PLXNA2: variants seen among roughly 807,000 people sequenced by gnomAD.
PLXNA2 encodes plexin A2.
PLXNA2 carries 91 observed loss-of-function variants against 193.5 expected under a neutral mutation model. That is an observed-to-expected ratio of 0.47 (90% confidence interval 0.40 to 0.56). The LOEUF (loss-of-function observed/expected upper bound fraction) is 0.56. PLXNA2 is among the 20% of genes least tolerant of loss of function. PLXNA2 has a pLI of 0.00. For missense variants in PLXNA2, 1,995 were observed against 2,503.2 expected (o/e 0.80, Z 4.33); for synonymous variants, 997 against 1,027.3 (o/e 0.97, Z 0.56).
intron 3 of PLXNA2, among the ~76,000 whole-genome samples, chr1:208,156,801 G>T (rs902567715): frequency 2.0e-5 from 3 of 152,146 alleles, no homozygotes; most frequent in African/African-American, 7.2e-5. Context: ...GCATGACAGG[G>T]TGCTTAAAAA....
Position 208,042,202 on chromosome 1 carries a change from C to T in PLXNA2, c.4182G>A (p.Leu1394=), listed in dbSNP as rs370028736. 48 of 1,614,118 alleles carry T rather than the reference C, an allele frequency of 3.0e-5. No homozygotes were observed. Among genetic ancestry groups the T allele is most frequent in the Non-Finnish European group, 3.5e-5 (41 of 1,180,036 alleles). Residue 1394 remains leucine (L), a synonymous_variant, in exon 22 of 32, where the codon CTG becomes CTA. Coordinates refer to ENST00000367033, the MANE Select transcript of PLXNA2 (RefSeq NM_025179.4). ...CAGTGGCATATTCCAGGCGGCCCTG[C>T]AGGCCGGTCATGATGAGCGAAGCCA... is the stretch of plus-strand genomic sequence containing the variant. The part of the protein sequence containing the change: ...GNVASLIMTG[L]QGRLEYATDV...
In PLXNA2 at chr1:208,051,119, G is replaced by T; in HGVS notation, c.3162-17C>A. 1.2e-6 allele frequency: 2 copies of T among 1,608,826 alleles called. No individual in the cohort carries two copies. The highest frequency in any genetic ancestry group is 1.7e-6 in the Non-Finnish European group (2 of 1,175,276). On this transcript the variant is annotated splice_polypyrimidine_tract_variant and intron_variant, in intron 16 of 31. Transcript: ENST00000367033. ...GTGTGGCCACTGAAAACAGGCAGAG[G>T]CTCGGTTAGGTAAAAAACCCCCTCA...
At chr1:208,145,040 G>C (rs1668564264) in intron 3 of PLXNA2, among the ~76,000 whole-genome samples, 1 of 152,164 alleles carries the variant, frequency 6.6e-6, no homozygotes, top group Non-Finnish European at 1.5e-5. Context: ...TTCTCCCTTA[G>C]ATAGACAGAC....
intron 6 of PLXNA2, among the ~76,000 whole-genome samples, chr1:208,097,483 A>C (rs528221958): frequency 6.6e-6 from 1 of 152,294 alleles, no homozygotes; most frequent in South Asian, 2.1e-4. Context: ...CAGTAGGTTC[A>C]TAAGGAGCTC....
At chr1:208,229,441 G>A (rs949954436) in intron 1 of PLXNA2, among the ~76,000 whole-genome samples, 1 of 152,150 alleles carries the variant, frequency 6.6e-6, no homozygotes, top group African/African-American at 2.4e-5. Context: ...GCAGCGCGAG[G>A]GGGTGCCCAG....
At chr1:208,168,724 G>GGTTTT (rs1491302678) in intron 3 of PLXNA2, among the ~76,000 whole-genome samples, 1 of 73,156 alleles carries the variant, frequency 1.4e-5, no homozygotes, top group East Asian at 4.8e-4. Context: ...AGTATGCGGG[G>GGTTTT]TTTTTTTTTT....
In PLXNA2 at chr1:208,092,946, G is replaced by C. The variant is rs759488085; in HGVS notation, c.1983-46C>G. On this transcript the variant is annotated intron_variant, in intron 8 of 31. Transcript: ENST00000367033. ...AGAGGCAAAGAGAAGAGAACAAAGA[G>C]GGAAGGTGGCATGTGTCATGATAGA... The C allele has an allele frequency of 3.7e-6, 5 of 1,333,570 alleles. No individual in the cohort carries two copies. In the South Asian group the frequency reaches 5.9e-5, roughly 16 times the overall value. The allele number at this position is 1,333,570 out of a possible 1,614,324, so 82.6% of individuals were successfully genotyped here. A position where few individuals can be genotyped will look rare whatever the true frequency, so the allele number is the denominator to read the frequency against.
chr1:208,178,140 GA>G (rs952930314), intron 3 of PLXNA2, among the ~76,000 whole-genome samples: 14 of 151,092 alleles, frequency 9.3e-5, no homozygotes, highest in Admixed American at 6.6e-5. Context: ...ACCGAGAGGA[GA>G]AAAAAAAAGA....
chr1:208,053,887 C>T (rs1985237), intron 14 of PLXNA2, among the ~76,000 whole-genome samples: 35,629 of 152,144 alleles, frequency 0.23, 4,372 homozygotes, highest in East Asian at 0.39. Context: ...GTGCGTGTAA[C>T]CACAGTAGCG....
At position 208,217,254 on chromosome 1, in the gene PLXNA2, G is replaced by C. The variant is rs1236623392; in HGVS notation, c.669C>G (p.Ser223=). 2 of 1,614,072 alleles carry C rather than the reference G, an allele frequency of 1.2e-6. No homozygotes were observed. The highest frequency in any genetic ancestry group is 1.3e-5 in the African/African-American group (1 of 74,922). The change falls in exon 2 of 32, where the codon TCC becomes TCG. Residue 223 remains serine, a synonymous_variant. Coordinates refer to ENST00000367033, the MANE Select transcript of PLXNA2 (RefSeq NM_025179.4). This position sits in a 1 kb window ranked among gnomAD's most constrained non-coding sequence, Gnocchi z 4.7. ...TGTCTGAAGGGATCTTGATGAGAGA[G>C]GAGACAAAATCGCTGTGTAGCTCAT... ...LDYELHSDFV[S]SLIKIPSDTL...
At chr1:208,195,659 G>C (rs1251291532) in intron 3 of PLXNA2, among the ~76,000 whole-genome samples, 1 of 151,696 alleles carries the variant, frequency 6.6e-6, no homozygotes, top group African/African-American at 2.4e-5. Flanking sequence ...TTTGGGGGGG[G>C]GGGTTAGGGG....
chr1:208,112,741 C>T (rs1280480294), intron 4 of PLXNA2, among the ~76,000 whole-genome samples: 4 of 152,032 alleles, frequency 2.6e-5, no homozygotes, highest in Admixed American at 6.6e-5. Flanking sequence ...CTGTAACTGC[C>T]GTCTTTATTA....
At position 208,033,464 on chromosome 1, in the gene PLXNA2, CG is replaced by C; in HGVS notation, c.4909del (p.Arg1637GlyfsTer4). 1 of 1,613,154 alleles carries C rather than the reference CG, an allele frequency of 6.2e-7. No homozygotes were observed. Among genetic ancestry groups the C allele is most frequent in the Non-Finnish European group, 8.5e-7 (1 of 1,179,392 alleles). ...YTGSPDSLRSRAPMITPDLES... is the reference protein window; with the variant it reads ...YTGSPDSLRSXAPMITPDLES... ...CAGGTCTGGGGTGATCATCGGGGCC[CG>C]GGACCGCAGGCTGTCGGGGCTGCCC... On this transcript the variant is annotated frameshift_variant, in exon 28 of 32. Coordinates refer to ENST00000367033, the MANE Select transcript of PLXNA2 (RefSeq NM_025179.4). LOFTEE classifies it high-confidence loss of function.
chr1:208,037,736 T>C (rs1202644537), intron 26 of PLXNA2, among the ~76,000 whole-genome samples: 1 of 149,504 alleles, frequency 6.7e-6, no homozygotes, highest in Non-Finnish European at 1.5e-5. Flanking sequence ...GATTTTTCTT[T>C]TTTTTTTTTG....
At chr1:208,097,609 T>C (rs1422485910) in intron 6 of PLXNA2, among the ~76,000 whole-genome samples, 1 of 152,130 alleles carries the variant, frequency 6.6e-6, no homozygotes, top group Non-Finnish European at 1.5e-5. Flanking sequence ...CTTTTAACAG[T>C]AAAAATATCA....
intron 12 of PLXNA2, among the ~76,000 whole-genome samples, chr1:208,063,963 G>A (rs191539585): frequency 3.8e-4 from 58 of 151,950 alleles, no homozygotes; most frequent in Admixed American, 9.2e-4. Context: ...TCCCTCAGGC[G>A]CCTCACATTT....
chr1:208,055,489 C>T (rs549841769), intron 13 of PLXNA2, among the ~76,000 whole-genome samples: 55 of 152,102 alleles, frequency 3.6e-4, no homozygotes, highest in Middle Eastern at 3.4e-3. Context: ...TGGGAGAGGG[C>T]CCTGACAGCT....
intron 31 of PLXNA2, 83 bp from the exon 32 acceptor site, chr1:208,027,421 T>A: frequency 9.4e-7 from 1 of 1,063,710 alleles, no homozygotes; most frequent in Non-Finnish European, 1.4e-6. Context: ...CTCTTTGCCC[T>A]CTGTCTACCT....
At chr1:208,110,829 G>A (rs967573555) in intron 4 of PLXNA2, among the ~76,000 whole-genome samples, 4 of 152,168 alleles carry the variant, frequency 2.6e-5, no homozygotes, top group East Asian at 1.9e-4. Context: ...AGCGGCCACC[G>A]GGGCCATTCT....
Sources: allele counts gnomAD v4.1 joint callset (sites outside exome capture counted in the v4.1 genomes callset), GRCh38; gene constraint gnomAD v4.1.1; non-coding constraint Gnocchi (gnomAD v3.1); transcripts MANE v1.5; gene names NCBI Gene and HGNC (gene_info 2026-07-23, HGNC 2026-07-21).